The following DLGAP2 variants were observed in gnomAD, a reference collection of about 807,000 sequenced individuals.
The protein encoded by DLGAP2 is DLG associated protein 2, also known as disks large-associated protein 2.
Under a neutral mutation model 100.3 loss-of-function variants are expected in DLGAP2, and 26 were observed. That is an observed-to-expected ratio of 0.26 (90% confidence interval 0.19 to 0.36). The LOEUF (loss-of-function observed/expected upper bound fraction) is 0.36, where lower values mean the gene tolerates loss of function less well. Among genes scored for constraint, DLGAP2 ranks in the 10% least tolerant of loss-of-function variants. The pLI is 1.00. For synonymous variants in DLGAP2, 886 were observed against 630.1 expected (o/e 1.41, Z -6.08); for missense variants, 1,858 against 1,453.2 (o/e 1.28, Z -4.53).
At chr8:1,463,085 C>G (rs545795749) in intron 3 of DLGAP2, among the ~76,000 whole-genome samples, 30 of 152,102 alleles carry the variant, frequency 2.0e-4, no homozygotes, top group Non-Finnish European at 3.5e-4. Flanking sequence ...CCCATCTCTA[C>G]TAAAAATACA....
At chr8:1,281,483 C>A (rs1209025104) in intron 3 of DLGAP2, among the ~76,000 whole-genome samples, 1 of 152,194 alleles carries the variant, frequency 6.6e-6, no homozygotes, top group African/African-American at 2.4e-5. Flanking sequence ...TGGGCACAGG[C>A]TGAACACACA....
Position 1,186,239 on chromosome 8 carries a change from C to T in DLGAP2, c.74-72612C>T, listed in dbSNP as rs534019190. Among the ~76,000 whole-genome samples the T allele has an allele frequency of 7.8e-4, 119 of 152,386 alleles. 1 individual carries two copies. The highest frequency in any genetic ancestry group is 2.7e-3 in the African/African-American group (114 of 41,602). On this transcript the variant is annotated intron_variant, in intron 2 of 14. Coordinates refer to ENST00000637795, the MANE Select transcript of DLGAP2 (RefSeq NM_001346810.2). ...CAGTCTGTGGTAGGTGCCCTAGCAG[C>T]AGCTATGCTGGAGTTACTAGAGGGC...
chr8:817,125 A>G (rs1169388869), intron 1 of DLGAP2, among the ~76,000 whole-genome samples: 1 of 144,696 alleles, frequency 6.9e-6, no homozygotes, highest in Non-Finnish European at 1.5e-5. Context: ...TGGGCGACAC[A>G]GCGAGACTCC....
chr8:792,096 A>G (rs984511501), intron 1 of DLGAP2, among the ~76,000 whole-genome samples: 6 of 152,234 alleles, frequency 3.9e-5, no homozygotes, highest in Non-Finnish European at 7.3e-5. Flanking sequence ...TTCTACTTTG[A>G]TGAAGAATGA....
At chr8:1,559,261 G>C (rs1278149676) in intron 5 of DLGAP2, among the ~76,000 whole-genome samples, 1 of 152,332 alleles carries the variant, frequency 6.6e-6, no homozygotes, top group African/African-American at 2.4e-5. Context: ...GTCGTGGAAA[G>C]AAATTTATTC....
intron 6 of DLGAP2, among the ~76,000 whole-genome samples, chr8:1,571,729 G>A (rs1478113637): frequency 1.8e-4 from 23 of 127,132 alleles, no homozygotes; most frequent in Middle Eastern, 5.4e-3. Context: ...GGGGGCGTCT[G>A]ATGAGATGGA....
intron 3 of DLGAP2, among the ~76,000 whole-genome samples, chr8:1,278,868 C>A (rs1057103874): frequency 6.6e-6 from 1 of 152,158 alleles, no homozygotes; most frequent in Non-Finnish European, 1.5e-5. Context: ...ATGTGTACGA[C>A]TTTTTGGACA....
At chr8:1,206,310 G>C (rs7008994) in intron 2 of DLGAP2, among the ~76,000 whole-genome samples, 7,977 of 41,250 alleles carry the variant, frequency 0.19, 2,610 homozygotes, top group African/African-American at 0.66. Context: ...TAATCTCCAG[G>C]CATCCGTGGA....
chr8:817,072 C>T (rs189127674), intron 1 of DLGAP2, among the ~76,000 whole-genome samples: 80 of 146,230 alleles, frequency 5.5e-4, no homozygotes, highest in African/African-American at 1.9e-3. Context: ...ACCTGGGAGG[C>T]GGGGCTTTCA....
intron 5 of DLGAP2, among the ~76,000 whole-genome samples, chr8:1,552,532 C>T (rs866134287): frequency 2.0e-5 from 3 of 152,168 alleles, no homozygotes; most frequent in South Asian, 2.1e-4. Context: ...TCAAAGATGC[C>T]TGTGCAGGGC....
intron 1 of DLGAP2, among the ~76,000 whole-genome samples, chr8:902,363 G>C (rs576401782): frequency 3.6e-4 from 54 of 150,568 alleles, no homozygotes; most frequent in Non-Finnish European, 6.8e-4. Flanking sequence ...GCGGGGGCTG[G>C]GGGGGCACTC....
In DLGAP2 at chr8:1,549,103, C is replaced by T. The variant is rs1400020678; in HGVS notation, c.650C>T (p.Ala217Val). 6.3e-6 allele frequency: 10 copies of T among 1,583,302 alleles called. No individual in the cohort carries two copies. The highest frequency in any genetic ancestry group is 1.3e-5 in the African/African-American group (1 of 74,348). Reference sequence around the variant, plus strand: ...ACGCTGCAGTACCAGAGGACGTCCGCGGCCGCCGAGCAGCGCAGCGAGAGC... The same window carrying T: ...ACGCTGCAGTACCAGAGGACGTCCGTGGCCGCCGAGCAGCGCAGCGAGAGC... ...FHTLQYQRTSAAAEQRSESPG... is the reference protein window; with the variant it reads ...FHTLQYQRTSVAAEQRSESPG... Residue 217 changes from alanine (A) to valine (V), a missense_variant, in exon 5 of 15, where the codon GCG becomes GTG. Physicochemically the swap from Ala to Val is moderately conservative, Grantham distance 64 (BLOSUM62 0). Transcript: ENST00000637795.
intron 3 of DLGAP2, among the ~76,000 whole-genome samples, chr8:1,282,379 C>CGTGAAG (rs1799835813): frequency 6.9e-6 from 1 of 144,798 alleles, no homozygotes; most frequent in African/African-American, 2.5e-5. Flanking sequence ...GAACCCAGCA[C>CGTGAAG]CTGAAGCATC....
At chr8:985,103 G>C (rs745609582) in intron 2 of DLGAP2, among the ~76,000 whole-genome samples, 3 of 152,220 alleles carry the variant, frequency 2.0e-5, no homozygotes, top group African/African-American at 7.2e-5. Context: ...GTCATATCTT[G>C]ACAGTGATCA....
At chr8:1,065,899 G>A (rs1803229900) in intron 2 of DLGAP2, among the ~76,000 whole-genome samples, 1 of 152,200 alleles carries the variant, frequency 6.6e-6, no homozygotes, top group African/African-American at 2.4e-5. Flanking sequence ...TCTCCCGCGT[G>A]GTCTGTGGGG....
chr8:1,504,887 AC>A (rs1172946040), intron 4 of DLGAP2, among the ~76,000 whole-genome samples: 8 of 152,314 alleles, frequency 5.3e-5, no homozygotes, highest in Admixed American at 2.0e-4. Context: ...TCAGAAAAAT[AC>A]CCAGAAGTGG....
intron 2 of DLGAP2, among the ~76,000 whole-genome samples, chr8:1,241,229 G>C (rs1208819249): frequency 6.8e-6 from 1 of 146,106 alleles, no homozygotes; most frequent in Non-Finnish European, 1.5e-5. Flanking sequence ...ACATGGCGCC[G>C]TGTCTAGTTC....
intron 1 of DLGAP2, among the ~76,000 whole-genome samples, chr8:889,584 G>A (rs1005957323): frequency 6.6e-6 from 1 of 152,230 alleles, no homozygotes; most frequent in African/African-American, 2.4e-5. Context: ...CGGCCACAGG[G>A]TGTGTTGCGC....
intron 1 of DLGAP2, among the ~76,000 whole-genome samples, chr8:743,718 C>T (rs1022900261): frequency 6.6e-6 from 1 of 152,190 alleles, no homozygotes; most frequent in African/African-American, 2.4e-5. Context: ...CGTGCACCAC[C>T]ACACCCAGCT....
Sources: gnomAD v4.1 joint callset for allele counts (sites outside exome capture counted in the v4.1 genomes callset) on GRCh38, gnomAD v4.1.1 for gene constraint, MANE v1.5 for transcripts, NCBI Gene and HGNC (gene_info 2026-07-23, HGNC 2026-07-21) for gene names.